Variants in ELMO1 observed in about 807,000 individuals in gnomAD.
ELMO1 encodes the protein engulfment and cell motility 1.
ELMO1 carries 26 observed loss-of-function variants against 98.9 expected under a neutral mutation model. That is an observed-to-expected ratio of 0.26 (90% CI 0.19 to 0.36). ELMO1 has a LOEUF of 0.36. Ranked by LOEUF, ELMO1 falls within the 10% of genes least tolerant of loss-of-function variation. The pLI is 1.00. For synonymous variants in ELMO1, 346 were observed against 346.0 expected (o/e 1.00, Z 0.00); for missense variants, 627 against 935.2 (o/e 0.67, Z 4.30).
intron 15 of ELMO1, among the ~76,000 whole-genome samples, chr7:37,036,423 T>A (rs564302822): frequency 5.6e-4 from 85 of 152,300 alleles, no homozygotes; most frequent in Middle Eastern, 3.4e-3. Context: ...CAGGTTGGAG[T>A]GCAATAGTGC....
At chr7:37,289,902 C>G (rs180745839) in intron 4 of ELMO1, among the ~76,000 whole-genome samples, 3 of 152,272 alleles carry the variant, frequency 2.0e-5, no homozygotes, top group African/African-American at 7.2e-5. Context: ...CTTCATCTTA[C>G]CTTACCACAT....
At chr7:37,138,205 G>A (rs543453474) in intron 13 of ELMO1, among the ~76,000 whole-genome samples, 21 of 151,282 alleles carry the variant, frequency 1.4e-4, no homozygotes, top group African/African-American at 5.1e-4. Flanking sequence ...AAATAATGAA[G>A]ATCAGAGCAG....
chr7:37,348,586 G>T (rs115374934), intron 1 of ELMO1, among the ~76,000 whole-genome samples: 1 of 152,112 alleles, frequency 6.6e-6, no homozygotes. Context: ...GTTAGGTACT[G>T]AAGTCTGTAT....
chr7:37,396,900 T>C (rs956271249), intron 1 of ELMO1, among the ~76,000 whole-genome samples: 2 of 152,226 alleles, frequency 1.3e-5, no homozygotes, highest in Non-Finnish European at 2.9e-5. Flanking sequence ...CCATAGGACA[T>C]TGGCAAAGGA....
chr7:37,042,635 G>A lies in ELMO1; in HGVS notation c.1301-29200C>T, dbSNP rs112423418. Among the ~76,000 whole-genome samples the A allele has an allele frequency of 2.0e-3, 297 of 152,272 alleles. 1 individual carries two copies. The highest frequency in any genetic ancestry group is 5.3e-3 in the African/African-American group (219 of 41,544). The stretch of plus-strand genomic sequence containing the variant: ...AGAAATGGGTCATTAGTGACCAGAC[G>A]TTCACTTCCAAAATCTGAGACATCC... On this transcript the variant is annotated intron_variant, in intron 15 of 21. Transcript: ENST00000310758.
intron 15 of ELMO1, among the ~76,000 whole-genome samples, chr7:37,028,445 T>C (rs1794700520): frequency 6.6e-6 from 1 of 152,192 alleles, no homozygotes. Context: ...AGCACAGAAT[T>C]TTCCAATTTA....
At chr7:37,204,406 G>A (rs1792486085) in intron 13 of ELMO1, 5 of 341,804 alleles carry the variant, frequency 1.5e-5, no homozygotes, top group Non-Finnish European at 2.9e-5. Flanking sequence ...GGCATGTCTG[G>A]AGTTGTTCAT....
chr7:37,320,962 T>C (rs148577384), intron 2 of ELMO1, among the ~76,000 whole-genome samples: 6 of 152,322 alleles, frequency 3.9e-5, no homozygotes, highest in Admixed American at 1.3e-4. Context: ...CTACTCCCTA[T>C]GCAGAATGAT....
At chr7:36,912,081 T>C (rs2129067112) in intron 16 of ELMO1, among the ~76,000 whole-genome samples, 2 of 152,304 alleles carry the variant, frequency 1.3e-5, no homozygotes, top group South Asian at 4.1e-4. Context: ...GCATGACAAA[T>C]ATTGATATCC....
intron 6 of ELMO1, among the ~76,000 whole-genome samples, chr7:37,257,730 G>C (rs377355909): frequency 6.6e-6 from 1 of 151,104 alleles, no homozygotes; most frequent in Non-Finnish European, 1.5e-5. Context: ...GGCTGGACAC[G>C]GTGGCTCACA....
intron 4 of ELMO1, among the ~76,000 whole-genome samples, chr7:37,298,533 T>G (rs1322922145): frequency 6.1e-5 from 9 of 147,622 alleles, no homozygotes; most frequent in Non-Finnish European, 1.0e-4. Flanking sequence ...AATTCCCACC[T>G]ATGAGTGAGA....
chr7:37,018,970 A>G (rs930625671), intron 15 of ELMO1, among the ~76,000 whole-genome samples: 4 of 152,198 alleles, frequency 2.6e-5, no homozygotes, highest in African/African-American at 7.2e-5. Context: ...GGGGGTGCTT[A>G]GAGTCAACCA....
intron 20 of ELMO1, 128 bp from the exon 21 acceptor site, chr7:36,861,864 T>C (rs1802658719): frequency 1.2e-6 from 1 of 822,948 alleles, no homozygotes; most frequent in Non-Finnish European, 2.1e-6. Context: ...GCAATGAGGC[T>C]GATGGAAGGA....
chr7:37,012,895 T>C (rs369014112), intron 16 of ELMO1, among the ~76,000 whole-genome samples: 1 of 152,222 alleles, frequency 6.6e-6, no homozygotes, highest in Admixed American at 6.5e-5. Context: ...TGGAGCAGTA[T>C]TCCTGATCTC....
chr7:37,211,582 C>T, intron 12 of ELMO1, 65 bp from the exon 13 acceptor site: 1 of 1,570,804 alleles, frequency 6.4e-7, no homozygotes, highest in Non-Finnish European at 8.6e-7. Context: ...TGTGACATTA[C>T]ATATACTCCC....
At chr7:37,363,894 A>G in intron 1 of ELMO1, among the ~76,000 whole-genome samples, 1 of 152,280 alleles carries the variant, frequency 6.6e-6, no homozygotes, top group African/African-American at 2.4e-5. Context: ...AAACCAAAGA[A>G]GCCAGGGAAG....
At chr7:37,301,831 A>C (rs1798366826) in intron 4 of ELMO1, among the ~76,000 whole-genome samples, 2 of 152,186 alleles carry the variant, frequency 1.3e-5, no homozygotes, top group African/African-American at 4.8e-5. Flanking sequence ...CCCACGTTTA[A>C]AAGAAGCAAT....
intron 16 of ELMO1, among the ~76,000 whole-genome samples, chr7:37,006,645 C>A (rs1793143942): frequency 6.6e-6 from 1 of 152,152 alleles, no homozygotes; most frequent in Non-Finnish European, 1.5e-5. Context: ...GGTATACATA[C>A]ACAAAGACAT....
chr7:37,288,684 G>A (rs1383281805), intron 4 of ELMO1, among the ~76,000 whole-genome samples: 2 of 152,228 alleles, frequency 1.3e-5, no homozygotes, highest in South Asian at 2.1e-4. Context: ...ACCTTGGTTA[G>A]CACAAATCTT....
Sources: allele counts gnomAD v4.1 joint callset (sites outside exome capture counted in the v4.1 genomes callset), GRCh38; gene constraint gnomAD v4.1.1; transcripts MANE v1.5; gene names NCBI Gene and HGNC (gene_info 2026-07-23, HGNC 2026-07-21).